The following RBFOX3 variants were observed in gnomAD, a reference collection of about 807,000 sequenced individuals.
RBFOX3 encodes the protein RNA binding fox-1 homolog 3, also known as RNA binding protein fox-1 homolog 3.
Under a neutral mutation model 48.7 loss-of-function variants are expected in RBFOX3, and 17 were observed. The ratio of observed to expected loss-of-function variants is 0.35; its 90% CI spans 0.24 to 0.52. The LOEUF is 0.52. RBFOX3 is among the 20% of genes least tolerant of loss of function. The pLI, the probability that RBFOX3 is intolerant of heterozygous loss-of-function variation, is 0.94. For missense variants in RBFOX3, 382 were observed against 497.5 expected, an observed-to-expected ratio of 0.77 and a Z score of 2.21; for synonymous variants, 212 against 209.5, an observed-to-expected ratio of 1.01 and a Z score of -0.10.
chr17:79,232,554 G>A (rs919954564), intron 4 of RBFOX3, among the ~76,000 whole-genome samples: 1 of 152,136 alleles, frequency 6.6e-6, no homozygotes, highest in South Asian at 2.1e-4. Context: ...TTTTTAATAA[G>A]TAATAATGAA....
chr17:79,398,630 C>T (rs1024773713), intron 2 of RBFOX3, among the ~76,000 whole-genome samples: 7 of 152,194 alleles, frequency 4.6e-5, no homozygotes, highest in Admixed American at 1.3e-4. Context: ...GCGTACAGGG[C>T]GGCCTCCACC....
At chr17:79,181,787 G>A (rs1297449217) in intron 4 of RBFOX3, among the ~76,000 whole-genome samples, 1 of 152,158 alleles carries the variant, frequency 6.6e-6, no homozygotes, top group Non-Finnish European at 1.5e-5. Context: ...GCTGACCCAA[G>A]TGCCCAGGGG....
chr17:79,425,389 GC>G (rs2148811210), intron 2 of RBFOX3, among the ~76,000 whole-genome samples: 1 of 152,290 alleles, frequency 6.6e-6, no homozygotes, highest in East Asian at 1.9e-4. Flanking sequence ...ACAGTGTGTA[GC>G]CAAGCAGGGA....
chr17:79,615,433 G>T (rs1021954098), upstream of RBFOX3, among the ~76,000 whole-genome samples: 1,342 of 152,208 alleles, frequency 8.8e-3, 19 homozygotes, highest in East Asian at 0.024. Context: ...AGAGGAGGGA[G>T]GGCAGGAGGG....
At chr17:79,300,066 C>T (rs375499112) in intron 3 of RBFOX3, among the ~76,000 whole-genome samples, 1 of 152,140 alleles carries the variant, frequency 6.6e-6, no homozygotes, top group African/African-American at 2.4e-5. Flanking sequence ...CAGCACACCC[C>T]CTAACTTTTG....
intron 2 of RBFOX3, among the ~76,000 whole-genome samples, chr17:79,329,531 C>T (rs2079887777): frequency 6.6e-6 from 1 of 152,288 alleles, no homozygotes; most frequent in African/African-American, 2.4e-5. Context: ...ATTAAAGGGC[C>T]ACTATATAAC....
chr17:79,359,885 C>T (rs771179089), intron 2 of RBFOX3, among the ~76,000 whole-genome samples: 2 of 152,082 alleles, frequency 1.3e-5, no homozygotes, highest in Admixed American at 6.5e-5. Flanking sequence ...GCCACCATGC[C>T]TGGTTAATTT....
intron 4 of RBFOX3, among the ~76,000 whole-genome samples, chr17:79,156,894 C>A (rs922274300): frequency 5.3e-5 from 8 of 152,186 alleles, no homozygotes; most frequent in African/African-American, 1.2e-4. Context: ...CTGGCAGGCG[C>A]GGGGACTCTG....
intron 2 of RBFOX3, among the ~76,000 whole-genome samples, chr17:79,323,676 T>C (rs1472487430): frequency 6.6e-6 from 1 of 152,140 alleles, no homozygotes; most frequent in South Asian, 2.1e-4. Context: ...GCTGCCAGGA[T>C]TACTGAAGAA....
At position 79,242,795 on chromosome 17, in the gene RBFOX3, G is replaced by GGGTT. The variant is rs2062580137; in HGVS notation, c.-73-6994_-73-6991dup. On this transcript the variant is annotated intron_variant, in intron 3 of 14. Transcript: ENST00000693108. This position sits in a 1 kb window ranked among gnomAD's most constrained non-coding sequence, Gnocchi z 5.8. Reference sequence around the variant, plus strand: ...CACAGGGCAGCAGGGCAGGGCTTAGGGGTTATACGCCGTGCTCAGAGCAGT... The same window carrying GGGTT: ...CACAGGGCAGCAGGGCAGGGCTTAGGGGTTGGTTATACGCCGTGCTCAGAGCAGT... Among the ~76,000 whole-genome samples, 1 of 152,132 alleles carries GGGTT rather than the reference G, an allele frequency of 6.6e-6. No homozygotes were observed. Among genetic ancestry groups the GGGTT allele is most frequent in the Admixed American group, 6.5e-5 (1 of 15,284 alleles).
At chr17:79,484,780 C>T (rs2149519342) in intron 1 of RBFOX3, among the ~76,000 whole-genome samples, 1 of 152,200 alleles carries the variant, frequency 6.6e-6, no homozygotes, top group South Asian at 2.1e-4. Flanking sequence ...CTGCACCAGG[C>T]CCTGGGCAGG....
intron 2 of RBFOX3, among the ~76,000 whole-genome samples, chr17:79,324,406 G>C (rs1473615488): frequency 6.6e-6 from 1 of 152,216 alleles, no homozygotes; most frequent in Non-Finnish European, 1.5e-5. Flanking sequence ...GACCCCAGGG[G>C]CTCAGGAAGC....
rs563430696 is a variant in RBFOX3, at chr17:79,214,045, C to T, written c.-34+21721G>A. ...TGGTGCCAGCGGATGTTGGGAGGCC[C>T]GGTGAACTACAGCCAACCCTCGCAT... On this transcript the variant is annotated intron_variant, in intron 4 of 14. Coordinates refer to ENST00000693108, the MANE Select transcript of RBFOX3 (RefSeq NM_001350451.2). The surrounding 1 kb of genome is among the most constrained non-coding windows in gnomAD (Gnocchi z 4.7). 5.3e-4 allele frequency among the ~76,000 whole-genome samples: 81 copies of T among 152,254 alleles called. No individual in the cohort carries two copies. The highest frequency in any genetic ancestry group is 1.8e-3 in the African/African-American group (73 of 41,540).
intron 3 of RBFOX3, among the ~76,000 whole-genome samples, chr17:79,280,245 A>G (rs978031414): frequency 1.9e-4 from 29 of 151,096 alleles, no homozygotes; most frequent in Non-Finnish European, 2.9e-4. Flanking sequence ...ATGCACACAC[A>G]CACACATGCA....
the RBFOX3 span, among the ~76,000 whole-genome samples, chr17:79,629,604 A>T: frequency 6.6e-6 from 1 of 152,284 alleles, no homozygotes; most frequent in Non-Finnish European, 1.5e-5. Context: ...AGCTTTCCAA[A>T]TGTGTTTAAC....
intron 3 of RBFOX3, among the ~76,000 whole-genome samples, chr17:79,300,365 A>G (rs949311791): frequency 2.0e-5 from 3 of 152,226 alleles, no homozygotes; most frequent in African/African-American, 7.2e-5. Context: ...AGAATCCAGT[A>G]GAGATGGGAA....
intron 2 of RBFOX3, among the ~76,000 whole-genome samples, chr17:79,378,338 T>C (rs954465148): frequency 7.9e-5 from 12 of 152,304 alleles, no homozygotes; most frequent in Admixed American, 2.0e-4. Flanking sequence ...TTCTGGAGCC[T>C]GGACTAGCTT....
intron 3 of RBFOX3, among the ~76,000 whole-genome samples, chr17:79,293,370 CT>C (rs1399367952): frequency 7.4e-5 from 10 of 135,676 alleles, no homozygotes; most frequent in Non-Finnish European, 1.1e-4. Context: ...TCCCCTCCCC[CT>C]CCCTCCCCTC....
intron 4 of RBFOX3, among the ~76,000 whole-genome samples, chr17:79,203,578 GT>G: frequency 1.9e-5 from 2 of 107,726 alleles, no homozygotes; most frequent in Non-Finnish European, 3.9e-5. Context: ...GACTGTGGGG[GT>G]GGGTGGAGGG....
Sources: allele counts gnomAD v4.1 joint callset (sites outside exome capture counted in the v4.1 genomes callset), GRCh38; gene constraint gnomAD v4.1.1; non-coding constraint Gnocchi (gnomAD v3.1); transcripts MANE v1.5; gene names NCBI Gene and HGNC (gene_info 2026-07-23, HGNC 2026-07-21).